PEX3: variants seen among roughly 807,000 people sequenced by gnomAD.
PEX3 encodes peroxin-3.
PEX3 carries 30 observed loss-of-function variants against 55.8 expected under a neutral mutation model. The observed-to-expected ratio is 0.54, with a 90% CI of 0.40 to 0.73. PEX3 has a LOEUF of 0.73. PEX3 is among the 30% of genes least tolerant of loss of function. The pLI is 0.00. For synonymous variants in PEX3, 135 were observed against 148.4 expected, an observed-to-expected ratio of 0.91 and a Z score of 0.66; for missense variants, 351 against 432.8, an observed-to-expected ratio of 0.81 and a Z score of 1.68.
chr6:143,480,712 G>C (rs984282247), intron 10 of PEX3, among the ~76,000 whole-genome samples: 1 of 152,090 alleles, frequency 6.6e-6, no homozygotes, highest in Non-Finnish European at 1.5e-5. Flanking sequence ...TGAAAGTCTA[G>C]CCATCATAGT....
At chr6:143,461,556 T>C (rs577851108) in intron 2 of PEX3, among the ~76,000 whole-genome samples, 7 of 151,004 alleles carry the variant, frequency 4.6e-5, no homozygotes, top group African/African-American at 1.7e-4. Flanking sequence ...TCTATTCCTT[T>C]GGATAAGATG....
chr6:143,450,857 C>T lies in PEX3; in HGVS notation c.-186C>T, dbSNP rs993758988. On this transcript the variant is annotated 5_prime_UTR_variant, in exon 1 of 12. Transcript: ENST00000367591. The stretch of plus-strand genomic sequence containing the variant: ...AGCGGCAGAAAGCGTAGCTGCTTTG[C>T]TGTAGTCCACGCCCCCTTGCCGCTC... 2.5e-5 allele frequency: 19 copies of T among 762,770 alleles called. No individual in the cohort carries two copies. The highest frequency in any genetic ancestry group is 1.0e-4 in the African/African-American group (6 of 58,486). 47.3% of individuals were successfully genotyped at this position (762,770 alleles called of 1,614,324 possible). A position where few individuals can be genotyped will look rare whatever the true frequency, so the allele number is the denominator to read the frequency against.
In PEX3 at chr6:143,490,529, C is replaced by G; in HGVS notation, c.*1303C>G. On this transcript the variant is annotated 3_prime_UTR_variant, in exon 12 of 12. Coordinates refer to ENST00000367591, the MANE Select transcript of PEX3 (RefSeq NM_003630.3). This position sits in a 1 kb window ranked among gnomAD's most constrained non-coding sequence, Gnocchi z 6.0. ...CTGAGCAGAAGATGGCTGTGCCACT[C>G]ACATATGCTAATCTTGGCAAATCTG... is the stretch of plus-strand genomic sequence containing the variant. The G allele has an allele frequency of 2.7e-6, 1 of 372,944 alleles. No homozygotes were observed. Among genetic ancestry groups the G allele is most frequent in the Non-Finnish European group, 4.9e-6 (1 of 202,516 alleles). The allele number at this position is 372,944 out of a possible 1,614,324, so 23.1% of individuals were successfully genotyped here. A position where few individuals can be genotyped will look rare whatever the true frequency, so the allele number is the denominator to read the frequency against.
In PEX3 at chr6:143,487,038, G is replaced by GTTTAA. The variant is rs1264482166; in HGVS notation, c.1038+1790_1038+1791insTTTAA. 4.6e-5 allele frequency among the ~76,000 whole-genome samples: 7 copies of GTTTAA among 152,114 alleles called. No individual in the cohort carries two copies. The highest frequency in any genetic ancestry group is 1.0e-4 in the Non-Finnish European group (7 of 68,004). Reference sequence around the variant, plus strand: ...GGTAGAAGATATTAGGATGGTAGTTGGTAAAGGTAGGAAATGGGAGAATCA... The same window carrying GTTTAA: ...GGTAGAAGATATTAGGATGGTAGTTGTTTAAGTAAAGGTAGGAAATGGGAGAATCA... On this transcript the variant is annotated intron_variant, in intron 11 of 11. Transcript: ENST00000367591. The surrounding 1 kb of genome is among the most constrained non-coding windows in gnomAD (Gnocchi z 5.3).
At chr6:143,455,359 ATTTTTTTTTTTTTT>A (rs56788350) in intron 1 of PEX3, among the ~76,000 whole-genome samples, 1 of 71,988 alleles carries the variant, frequency 1.4e-5, no homozygotes, top group East Asian at 4.4e-4. Flanking sequence ...CGCCCGGCTA[ATTTTTTTTTTTTTT>A]TTTTTTTTTT....
rs1461954715 is a variant in PEX3, at chr6:143,485,856, A to C, written c.1038+608A>C. The stretch of plus-strand genomic sequence containing the variant: ...AAATATTATAAACAAAATAACTTTG[A>C]ATTTCTGAGTCATGTGCAAACTTGG... On this transcript the variant is annotated intron_variant, in intron 11 of 11. Transcript: ENST00000367591. This position sits in a 1 kb window ranked among gnomAD's most constrained non-coding sequence, Gnocchi z 5.6. Among the ~76,000 whole-genome samples the C allele has an allele frequency of 6.6e-6, 1 of 152,270 alleles. No individual in the cohort carries two copies. Among genetic ancestry groups the C allele is most frequent in the East Asian group, 1.9e-4 (1 of 5,186 alleles).
chr6:143,481,961 C>T lies in PEX3; in HGVS notation c.941+2763C>T, dbSNP rs371392485. ...CCAGTCTGAGTGACAGAATAAGACC[C>T]TGTCTCTTAAAAAAATATATAAAAA... On this transcript the variant is annotated intron_variant, in intron 10 of 11. Transcript: ENST00000367591. 3.6e-4 allele frequency among the ~76,000 whole-genome samples: 54 copies of T among 151,508 alleles called. No individual in the cohort carries two copies. The South Asian group carries it at 0.01, about 29-fold the overall frequency.
chr6:143,481,745 T>C (rs932292032), intron 10 of PEX3, among the ~76,000 whole-genome samples: 81 of 152,190 alleles, frequency 5.3e-4, no homozygotes, highest in African/African-American at 1.8e-3. Context: ...GAGTCAGGTA[T>C]GATAGCTCAC....
chr6:143,482,771 T>C lies in PEX3; in HGVS notation c.942-2381T>C, dbSNP rs1780258406. On this transcript the variant is annotated intron_variant, in intron 10 of 11. Transcript: ENST00000367591. This position sits in a 1 kb window ranked among gnomAD's most constrained non-coding sequence, Gnocchi z 5.5. ...TGGTAAGACGAATAACAATTAGTCA[T>C]TTTACAATGACTAATAAAATTCAGG... is the stretch of plus-strand genomic sequence containing the variant. Among the ~76,000 whole-genome samples, 1 of 152,040 alleles carries C rather than the reference T, an allele frequency of 6.6e-6. No homozygotes were observed. The highest frequency in any genetic ancestry group is 1.5e-5 in the Non-Finnish European group (1 of 67,958).
chr6:143,479,886 TAATGGGTACTA>T lies in PEX3; in HGVS notation c.941+692_941+702del. Among the ~76,000 whole-genome samples, 1 of 152,252 alleles carries T rather than the reference TAATGGGTACTA, an allele frequency of 6.6e-6. No homozygotes were observed. Among genetic ancestry groups the T allele is most frequent in the Admixed American group, 6.5e-5 (1 of 15,298 alleles). On this transcript the variant is annotated intron_variant, in intron 10 of 11. Coordinates refer to ENST00000367591, the MANE Select transcript of PEX3 (RefSeq NM_003630.3). This position sits in a 1 kb window ranked among gnomAD's most constrained non-coding sequence, Gnocchi z 4.6. ...AGTTTTTTATGTCAAACTCGGAAAATAATGGGTACTAAATTAATGTTGACTGACTGTAAACT... is the reference window on the plus strand; with the variant it reads ...AGTTTTTTATGTCAAACTCGGAAAATAATTAATGTTGACTGACTGTAAACT...
In PEX3 at chr6:143,453,404, T is replaced by TA. The variant is rs1302431453; in HGVS notation, c.73+2289_73+2290insA. On this transcript the variant is annotated intron_variant, in intron 1 of 11. Transcript: ENST00000367591. The surrounding 1 kb of genome is among the most constrained non-coding windows in gnomAD (Gnocchi z 4.6). ...GTAGCAGGCCTTCTTAAGTAACAAT[T>TA]TCTGTTTCCTCAGATTTTGGGTGGG... 1.3e-5 allele frequency among the ~76,000 whole-genome samples: 2 copies of TA among 152,180 alleles called. No homozygotes were observed. Among genetic ancestry groups the TA allele is most frequent in the African/African-American group, 4.8e-5 (2 of 41,444 alleles).
rs746417534 is a variant in PEX3, at chr6:143,484,963, G to A, written c.942-189G>A. 6.4e-5 allele frequency: 36 copies of A among 558,898 alleles called. 1 individual carries two copies. The highest frequency in any genetic ancestry group is 1.5e-4 in the South Asian group (7 of 48,268). 34.6% of individuals were successfully genotyped at this position (558,898 alleles called of 1,614,324 possible). A position where few individuals can be genotyped will look rare whatever the true frequency, so the allele number is the denominator to read the frequency against. On this transcript the variant is annotated intron_variant, in intron 10 of 11. Coordinates refer to ENST00000367591, the MANE Select transcript of PEX3 (RefSeq NM_003630.3). ...AAAACAAAGATATGTGTAAAAAAAC[G>A]CCAAAAGAAATTGGTCATGATGTCA...
rs1780367347 is a variant in PEX3 at position 143,490,125 on chromosome 6, A to C, written c.*899A>C. 1 of 152,164 alleles carries C rather than the reference A, an allele frequency of 6.6e-6. No homozygotes were observed. The highest frequency in any genetic ancestry group is 1.5e-5 in the Non-Finnish European group (1 of 68,018). The allele number at this position is 152,164 out of a possible 1,614,324, so 9.4% of individuals were successfully genotyped here. A position where few individuals can be genotyped will look rare whatever the true frequency, so the allele number is the denominator to read the frequency against. Reference sequence around the variant, plus strand: ...TAAGTTTCATTTTAATTGGTCGTGTACTTGGTGCTTTTTTGTTGTTGTTAA... The same window carrying C: ...TAAGTTTCATTTTAATTGGTCGTGTCCTTGGTGCTTTTTTGTTGTTGTTAA... On this transcript the variant is annotated 3_prime_UTR_variant, in exon 12 of 12. Coordinates refer to ENST00000367591, the MANE Select transcript of PEX3 (RefSeq NM_003630.3). This position sits in a 1 kb window ranked among gnomAD's most constrained non-coding sequence, Gnocchi z 6.0.
intron 2 of PEX3, among the ~76,000 whole-genome samples, chr6:143,461,096 G>C (rs1275819812): frequency 6.6e-6 from 1 of 152,046 alleles, no homozygotes; most frequent in African/African-American, 2.4e-5. Context: ...TTTGTGAAGG[G>C]AAAAAGACAA....
chr6:143,450,807 T>A lies in PEX3; in HGVS notation c.-236T>A. 1.2e-6 allele frequency: 1 copy of A among 867,058 alleles called. No individual in the cohort carries two copies. The highest frequency in any genetic ancestry group is 1.8e-6 in the Non-Finnish European group (1 of 551,168). The allele number at this position is 867,058 out of a possible 1,614,324, so 53.7% of individuals were successfully genotyped here. ...AACGGACCTGGGCTTGTCGGACCAG[T>A]GAGCGGCGGCGGCTGCGCGGCGGCA... On this transcript the variant is annotated 5_prime_UTR_variant, in exon 1 of 12. Transcript: ENST00000367591.
At chr6:143,474,501 T>C (rs1780124372) in intron 8 of PEX3, among the ~76,000 whole-genome samples, 1 of 151,124 alleles carries the variant, frequency 6.6e-6, no homozygotes, top group Non-Finnish European at 1.5e-5. Flanking sequence ...ACTCAAAACC[T>C]ATTTCTTCTT....
chr6:143,489,439 T>C lies in PEX3; in HGVS notation c.*213T>C, dbSNP rs1780359993. On this transcript the variant is annotated 3_prime_UTR_variant, in exon 12 of 12. Transcript: ENST00000367591. The surrounding 1 kb of genome is among the most constrained non-coding windows in gnomAD (Gnocchi z 5.5). ...AGACCAGTTTTTGTGGGCATATATA[T>C]ATACACGTGCAAATATCAGAATTGT... 2.4e-6 allele frequency: 1 copy of C among 418,956 alleles called. No homozygotes were observed. Among genetic ancestry groups the C allele is most frequent in the Admixed American group, 3.9e-5 (1 of 25,920 alleles). The allele number at this position is 418,956 out of a possible 1,614,324, so 26.0% of individuals were successfully genotyped here. A position where few individuals can be genotyped will look rare whatever the true frequency, so the allele number is the denominator to read the frequency against.
rs1584000095 is a variant in PEX3 at position 143,453,568 on chromosome 6, C to T, written c.73+2453C>T. Among the ~76,000 whole-genome samples, 1 of 152,108 alleles carries T rather than the reference C, an allele frequency of 6.6e-6. No individual in the cohort carries two copies. Among genetic ancestry groups the T allele is most frequent in the East Asian group, 1.9e-4 (1 of 5,178 alleles). On this transcript the variant is annotated intron_variant, in intron 1 of 11. Transcript: ENST00000367591. This position sits in a 1 kb window ranked among gnomAD's most constrained non-coding sequence, Gnocchi z 4.6. ...CCACGCTAGAATACAATGGTGTGATCGTAGCTCACTGCAGCCTTGTTTTCT... is the reference window on the plus strand; with the variant it reads ...CCACGCTAGAATACAATGGTGTGATTGTAGCTCACTGCAGCCTTGTTTTCT...
chr6:143,451,097 C>G lies in PEX3; in HGVS notation c.55C>G (p.Leu19Val), dbSNP rs1779753657. The G allele has an allele frequency of 6.2e-7, 1 of 1,613,156 alleles. No homozygotes were observed. Among genetic ancestry groups the G allele is most frequent in the Non-Finnish European group, 8.5e-7 (1 of 1,179,160 alleles). ...ACGCCACAAAAAGAAATGCATCTTC[C>G]TGGGCACGGTCCTTGGAGGTGGGTG... is the stretch of plus-strand genomic sequence containing the variant. ...LKRHKKKCIFLGTVLGGVYIL... is the reference protein window; with the variant it reads ...LKRHKKKCIFVGTVLGGVYIL... Residue 19 changes from leucine (L) to valine (V), a missense_variant, in exon 1 of 12, where the codon CTG becomes GTG. Coordinates refer to ENST00000367591, the MANE Select transcript of PEX3 (RefSeq NM_003630.3). The surrounding 1 kb of genome is among the most constrained non-coding windows in gnomAD (Gnocchi z 4.1).
Sources: gnomAD v4.1 joint callset for allele counts (sites outside exome capture counted in the v4.1 genomes callset) on GRCh38, gnomAD v4.1.1 for gene constraint, Gnocchi (gnomAD v3.1) non-coding constraint, MANE v1.5 for transcripts, NCBI Gene and HGNC (gene_info 2026-07-23, HGNC 2026-07-21) for gene names.